The following ZBP1 variants were observed in gnomAD, a reference collection of about 807,000 sequenced individuals.
The protein encoded by ZBP1 is Z-DNA binding protein 1.
ZBP1 carries 42 observed loss-of-function variants against 41.1 expected under a neutral mutation model. That is an observed-to-expected ratio of 1.02 (90% CI 0.80 to 1.32). The LOEUF (loss-of-function observed/expected upper bound fraction) is 1.32, where lower values mean the gene tolerates loss of function less well. Ranked by LOEUF, ZBP1 falls within the 40% of genes most tolerant of loss-of-function variation. The probability of loss-of-function intolerance (pLI) is 0.00; values close to 1 mark genes in which losing one functional copy is unlikely to be tolerated. For missense variants in ZBP1, 562 were observed against 549.7 expected, an observed-to-expected ratio of 1.02 and a Z score of -0.22; for synonymous variants, 214 against 205.2, an observed-to-expected ratio of 1.04 and a Z score of -0.37.
At position 57,604,541 on chromosome 20, in the gene ZBP1, G is replaced by A; in HGVS notation, c.*32C>T. 6.2e-7 allele frequency: 1 copy of A among 1,607,150 alleles called. No individual in the cohort carries two copies. The highest frequency in any genetic ancestry group is 8.5e-7 in the Non-Finnish European group (1 of 1,175,488). On this transcript the variant is annotated 3_prime_UTR_variant, in exon 8 of 8. Coordinates refer to ENST00000371173, the MANE Select transcript of ZBP1 (RefSeq NM_030776.3). ...TCTCCCTAGCATGCGCCCACCCCCA[G>A]CCTGTGTCCAAGCCCCACGTGAGGC...
chr20:57,619,159 C>T (rs558552078), intron 1 of ZBP1, among the ~76,000 whole-genome samples: 9 of 152,328 alleles, frequency 5.9e-5, no homozygotes, highest in Admixed American at 4.6e-4. Flanking sequence ...CGTGAGTCCC[C>T]GAAGAGGAAG....
At chr20:57,605,269 T>C (rs1471488843) in intron 7 of ZBP1, among the ~76,000 whole-genome samples, 2 of 152,216 alleles carry the variant, frequency 1.3e-5, no homozygotes, top group South Asian at 2.1e-4. Context: ...TTCATAGATA[T>C]TGCACTCATT....
At chr20:57,611,434 A>G (rs146879520) in intron 6 of ZBP1, among the ~76,000 whole-genome samples, 8 of 66,960 alleles carry the variant, frequency 1.2e-4, no homozygotes, top group Middle Eastern at 0.011. Flanking sequence ...TTTTTTTTGT[A>G]TTTTTGATAG....
In ZBP1 at chr20:57,606,560, A is replaced by G. The variant is rs1265202261; in HGVS notation, c.1094-1791T>C. Among the ~76,000 whole-genome samples, 3 of 152,390 alleles carry G rather than the reference A, an allele frequency of 2.0e-5. No homozygotes were observed. The South Asian group carries it at 6.2e-4, about 32-fold the overall frequency. On this transcript the variant is annotated intron_variant, in intron 7 of 7. Coordinates refer to ENST00000371173, the MANE Select transcript of ZBP1 (RefSeq NM_030776.3). ...AAAAAAGATGTCATCTAGAACTTTC[A>G]TAACTCGAAAGGAGATGTCAATGCC... is the stretch of plus-strand genomic sequence containing the variant.
At position 57,613,164 on chromosome 20, in the gene ZBP1, G is replaced by T. The variant is rs200125075; in HGVS notation, c.669C>A (p.Asp223Glu). 1.4e-5 allele frequency: 22 copies of T among 1,613,982 alleles called. No individual in the cohort carries two copies. The Middle Eastern group carries it at 4.9e-4, about 36-fold the overall frequency. Residue 223 changes from aspartate (D) to glutamate (E), a missense_variant and splice_region_variant, in exon 5 of 8, where the codon GAC becomes GAA. Physicochemically the swap from Asp to Glu is conservative, Grantham distance 45. Transcript: ENST00000371173. The surrounding 1 kb of genome is among the most constrained non-coding windows in gnomAD (Gnocchi z 4.5). ...CCTGGGCTCTCTTGGGTGACTTACC[G>T]TCCTCCCTGGAGACTGTCTGTCTTG... is the stretch of plus-strand genomic sequence containing the variant. ...IITRQTVSRE[D>E]GSAGPRHLPS...
At chr20:57,612,991 G>A in intron 5 of ZBP1, 172 bp downstream of exon 5, 2 of 1,457,594 alleles carry the variant, frequency 1.4e-6, no homozygotes, top group East Asian at 2.5e-5. Flanking sequence ...TTTGATCCAG[G>A]TGTCCTCATT....
In ZBP1 at chr20:57,618,517, C is replaced by T. The variant is rs553101520; in HGVS notation, c.34+1745G>A. Among the ~76,000 whole-genome samples, 59 of 151,334 alleles carry T rather than the reference C, an allele frequency of 3.9e-4. 1 individual carries two copies. Among genetic ancestry groups the T allele is most frequent in the African/African-American group, 1.4e-3 (56 of 41,190 alleles). The stretch of plus-strand genomic sequence containing the variant: ...TCCTGCGCCCACCAAACTCCCCCAC[C>T]GGCAGCCAGCAGCACCTCCATGCAC... On this transcript the variant is annotated intron_variant, in intron 1 of 7. Coordinates refer to ENST00000371173, the MANE Select transcript of ZBP1 (RefSeq NM_030776.3).
rs553516534 is a variant in ZBP1 at position 57,615,440 on chromosome 20, C to T, written c.328+72G>A. The T allele has an allele frequency of 2.7e-5, 41 of 1,532,334 alleles. No homozygotes were observed. The Admixed American group carries it at 5.1e-4, about 19-fold the overall frequency. The allele number at this position is 1,532,334 out of a possible 1,614,324, so 94.9% of individuals were successfully genotyped here. ...GAACACTGGTGAGATCTTGTACCCTCAAGGAGGGCCTGGGGTTCCTGGGGA... is the reference window on the plus strand; with the variant it reads ...GAACACTGGTGAGATCTTGTACCCTTAAGGAGGGCCTGGGGTTCCTGGGGA... On this transcript the variant is annotated intron_variant, in intron 3 of 7. Coordinates refer to ENST00000371173, the MANE Select transcript of ZBP1 (RefSeq NM_030776.3).
In ZBP1 at chr20:57,613,508, C is replaced by T. The variant is rs1375670012; in HGVS notation, c.503-178G>A. ...TGTTTAACAGACACCACAGGTACCTCAGAGGGAGCCTCACTTGAAAATAGC... is the reference window on the plus strand; with the variant it reads ...TGTTTAACAGACACCACAGGTACCTTAGAGGGAGCCTCACTTGAAAATAGC... On this transcript the variant is annotated intron_variant, in intron 4 of 7. Transcript: ENST00000371173. This position sits in a 1 kb window ranked among gnomAD's most constrained non-coding sequence, Gnocchi z 4.5. Among the ~76,000 whole-genome samples the T allele has an allele frequency of 3.3e-5, 5 of 152,196 alleles. No homozygotes were observed. The highest frequency in any genetic ancestry group is 1.2e-4 in the African/African-American group (5 of 41,452).
At position 57,614,353 on chromosome 20, in the gene ZBP1, T is replaced by C. The variant is rs370155632; in HGVS notation, c.502+534A>G. ...GCCCATTTTTAGATATTCATTATTA[T>C]TGTAGTATTCATTTCCTCTGATTTT... On this transcript the variant is annotated intron_variant, in intron 4 of 7. Transcript: ENST00000371173. 5.9e-5 allele frequency among the ~76,000 whole-genome samples: 9 copies of C among 152,280 alleles called. No individual in the cohort carries two copies. In the East Asian group the frequency reaches 1.7e-3, roughly 29 times the overall value.
intron 7 of ZBP1, among the ~76,000 whole-genome samples, chr20:57,605,370 C>T (rs761560335): frequency 1.3e-5 from 2 of 152,222 alleles, no homozygotes; most frequent in South Asian, 2.1e-4. Context: ...CCTGTCTCTG[C>T]GTCACATTTT....
intron 1 of ZBP1, among the ~76,000 whole-genome samples, chr20:57,618,374 T>C (rs1332962006): frequency 6.6e-6 from 1 of 152,236 alleles, no homozygotes; most frequent in African/African-American, 2.4e-5. Context: ...CAGGGTTCCT[T>C]GGTCACAGCA....
In ZBP1 at chr20:57,604,526, A is replaced by C. The variant is rs755990373; in HGVS notation, c.*47T>G. ...AGAGCAGCAGGCTAGTCTCCCTAGC[A>C]TGCGCCCACCCCCAGCCTGTGTCCA... On this transcript the variant is annotated 3_prime_UTR_variant, in exon 8 of 8. Transcript: ENST00000371173. 2 of 1,596,996 alleles carry C rather than the reference A, an allele frequency of 1.3e-6. No individual in the cohort carries two copies. The highest frequency in any genetic ancestry group is 1.1e-5 in the South Asian group (1 of 90,016).
chr20:57,613,154 G>C lies in ZBP1; in HGVS notation c.670+9C>G, dbSNP rs529308889. ...AGGTCCCCTCCCTGGGCTCTCTTGGGTGACTTACCGTCCTCCCTGGAGACT... is the reference window on the plus strand; with the variant it reads ...AGGTCCCCTCCCTGGGCTCTCTTGGCTGACTTACCGTCCTCCCTGGAGACT... On this transcript the variant is annotated intron_variant, in intron 5 of 7. Transcript: ENST00000371173. This position sits in a 1 kb window ranked among gnomAD's most constrained non-coding sequence, Gnocchi z 4.5. The C allele has an allele frequency of 3.7e-6, 6 of 1,614,164 alleles. No homozygotes were observed. Among genetic ancestry groups the C allele is most frequent in the Non-Finnish European group, 5.1e-6 (6 of 1,180,040 alleles).
At chr20:57,608,330 G>A (rs890076450) in intron 7 of ZBP1, among the ~76,000 whole-genome samples, 1 of 152,168 alleles carries the variant, frequency 6.6e-6, no homozygotes, top group African/African-American at 2.4e-5. Context: ...CACCGTGTTA[G>A]CCAGGATGGT....
intron 7 of ZBP1, among the ~76,000 whole-genome samples, chr20:57,608,978 T>G (rs2070573144): frequency 6.6e-6 from 1 of 152,228 alleles, no homozygotes; most frequent in Non-Finnish European, 1.5e-5. Flanking sequence ...CTAATTCTTT[T>G]TTCACATGGG....
chr20:57,614,523 G>C (rs1321071559), intron 4 of ZBP1, among the ~76,000 whole-genome samples: 1 of 152,140 alleles, frequency 6.6e-6, no homozygotes, highest in Non-Finnish European at 1.5e-5. Flanking sequence ...TCCAAGACTA[G>C]TCTTGCCTTC....
At chr20:57,608,374 G>A (rs6064573) in intron 7 of ZBP1, among the ~76,000 whole-genome samples, 39,410 of 152,092 alleles carry the variant, frequency 0.26, 6,107 homozygotes, top group African/African-American at 0.43. Context: ...CACCTGCCTC[G>A]GCCTCCCAAA....
Position 57,620,273 on chromosome 20 carries a change from G to T in ZBP1, c.23C>A (p.Pro8Gln). The T allele has an allele frequency of 1.3e-6, 2 of 1,595,870 alleles. No homozygotes were observed. The highest frequency in any genetic ancestry group is 1.7e-6 in the Non-Finnish European group (2 of 1,170,868). Residue 8 changes from proline to glutamine, a missense_variant, in exon 1 of 8, where the codon CCG (proline) becomes CAG (glutamine). By Grantham distance (76) the Pro-to-Gln change is moderately conservative (BLOSUM62 -1). Coordinates refer to ENST00000371173, the MANE Select transcript of ZBP1 (RefSeq NM_030776.3). MAQAPAD[P>Q]GREGHLEQRI... ...AAGAAGTACTGTACCTTCTCTGCCC[G>T]GGTCAGCAGGAGCCTGGGCCATGCT...
Sources: allele counts gnomAD v4.1 joint callset (sites outside exome capture counted in the v4.1 genomes callset), GRCh38; gene constraint gnomAD v4.1.1; non-coding constraint Gnocchi (gnomAD v3.1); transcripts MANE v1.5; gene names NCBI Gene and HGNC (gene_info 2026-07-23, HGNC 2026-07-21).